SSUH2: variants seen among roughly 807,000 people sequenced by gnomAD.
The protein encoded by SSUH2 is ssu-2 homolog, also known as protein SSUH2 homolog.
A neutral mutation model predicts 55.3 loss-of-function variants in SSUH2; 47 were observed. The ratio of observed to expected loss-of-function variants is 0.85; its 90% confidence interval spans 0.67 to 1.08. The LOEUF is 1.08. SSUH2 is among the 50% of genes least tolerant of loss of function. The pLI, the probability that SSUH2 is intolerant of heterozygous loss-of-function variation, is 0.00. For synonymous variants in SSUH2, 212 were observed against 191.5 expected (o/e 1.11, Z -0.89); for missense variants, 535 against 490.7 (o/e 1.09, Z -0.85).
intron 1 of SSUH2, among the ~76,000 whole-genome samples, chr3:8,680,502 G>T (rs1261247988): frequency 6.6e-6 from 1 of 151,986 alleles, no homozygotes; most frequent in Non-Finnish European, 1.5e-5. Context: ...TGAATATTAA[G>T]AACAGTATCA....
chr3:8,634,253 C>T, intron 3 of SSUH2: 1 of 668,724 alleles, frequency 1.5e-6, no homozygotes, highest in Non-Finnish European at 2.3e-6. Context: ...CAGGCACTGG[C>T]CCAGGGCTGA....
At chr3:8,623,185 G>C (rs1243487511) in intron 11 of SSUH2, among the ~76,000 whole-genome samples, 2 of 152,242 alleles carry the variant, frequency 1.3e-5, no homozygotes, top group African/African-American at 4.8e-5. Context: ...TCAGGGGCAA[G>C]ACACTGGGCT....
At position 8,678,745 on chromosome 3, in the gene SSUH2, G is replaced by A. The variant is rs1219935704; in HGVS notation, c.-901+960C>T. Among the ~76,000 whole-genome samples the A allele has an allele frequency of 4.7e-5, 4 of 85,332 alleles. 2 individuals are homozygous for A. The highest frequency in any genetic ancestry group is 1.6e-4 in the African/African-American group (4 of 25,016). 56.0% of individuals were successfully genotyped at this position (85,332 alleles called of 152,430 possible). A position where few individuals can be genotyped will look rare whatever the true frequency, so the allele number is the denominator to read the frequency against. On this transcript the variant is annotated intron_variant, in intron 2 of 18. Transcript: ENST00000317371. ...AACGTGGGGGGGGGAGGCACCACAC[G>A]CGAGGCGGGGAAAGAGAGCCAGCCC... is the stretch of plus-strand genomic sequence containing the variant.
intron 4 of SSUH2, among the ~76,000 whole-genome samples, chr3:8,633,085 A>T (rs984715289): frequency 1.3e-5 from 2 of 150,688 alleles, no homozygotes; most frequent in Non-Finnish European, 3.0e-5. Context: ...GCGTGTGTGT[A>T]GCATGCGTTC....
intron 7 of SSUH2, 157 bp downstream of exon 7, chr3:8,629,507 A>T: frequency 4.7e-6 from 3 of 633,698 alleles, no homozygotes; most frequent in Admixed American, 2.8e-5. Flanking sequence ...TTTTCATTTT[A>T]TAGACGGGAA....
At position 8,625,620 on chromosome 3, in the gene SSUH2, A is replaced by C. The variant is rs1335583836; in HGVS notation, c.795T>G (p.Ser265=). The C allele has an allele frequency of 5.6e-6, 9 of 1,613,822 alleles. No individual in the cohort carries two copies. The highest frequency in any genetic ancestry group is 7.6e-6 in the Non-Finnish European group (9 of 1,179,836). ...MWKNSLFEFV[S]EHRLNCPREL... ...CCCTGGGGCAGTTGAGCCGGTGCTCAGACACAAACTCAAACAAGCTGTTCT... is the reference window on the plus strand; with the variant it reads ...CCCTGGGGCAGTTGAGCCGGTGCTCCGACACAAACTCAAACAAGCTGTTCT... Residue 265 remains serine, a synonymous_variant, in exon 10 of 12, where the codon TCT becomes TCG. Transcript: ENST00000544814.
chr3:8,635,227 A>G, intron 3 of SSUH2, 73 bp downstream of exon 3: 1 of 1,312,648 alleles, frequency 7.6e-7, no homozygotes, highest in Non-Finnish European at 1.0e-6. Context: ...ATGCACTGCC[A>G]GGGCTGAGAT....
At position 8,677,713 on chromosome 3, in the gene SSUH2, G is replaced by C. The variant is rs958506008; in HGVS notation, c.-900-360C>G. ...TCTAAAGGATTGCCCCCCTGTTTTA[G>C]GGCCTTGGCAGCAACTGCCCTGCTA... On this transcript the variant is annotated intron_variant, in intron 2 of 18. Coordinates refer to the SSUH2 transcript ENST00000317371. Among the ~76,000 whole-genome samples the C allele has an allele frequency of 7.3e-5, 11 of 150,848 alleles. 1 individual carries two copies. The highest frequency in any genetic ancestry group is 2.7e-4 in the African/African-American group (11 of 41,088).
chr3:8,680,280 A>T (rs1420315382), intron 1 of SSUH2, among the ~76,000 whole-genome samples: 2 of 151,926 alleles, frequency 1.3e-5, no homozygotes, highest in African/African-American at 4.8e-5. Context: ...CTGAACATAA[A>T]GGCCCCCCAT....
At chr3:8,655,771 C>A (rs1440585330) in intron 7 of SSUH2, among the ~76,000 whole-genome samples, 1 of 152,232 alleles carries the variant, frequency 6.6e-6, no homozygotes, top group Non-Finnish European at 1.5e-5. Flanking sequence ...ACTGATAACA[C>A]AGCCCCTCGC....
intron 1 of SSUH2, among the ~76,000 whole-genome samples, chr3:8,638,387 C>A (rs528281090): frequency 1.9e-4 from 29 of 152,152 alleles, no homozygotes; most frequent in Non-Finnish European, 3.4e-4. Flanking sequence ...TTCCTCCTGG[C>A]AGAAAACCTA....
chr3:8,658,357 G>A (rs1026266096), intron 7 of SSUH2, among the ~76,000 whole-genome samples: 1 of 152,188 alleles, frequency 6.6e-6, no homozygotes, highest in African/African-American at 2.4e-5. Context: ...TCTGGCTAGA[G>A]GAGAAAGAGG....
intron 3 of SSUH2, chr3:8,672,069 C>T (rs1463832896): frequency 6.6e-6 from 1 of 152,096 alleles, no homozygotes; most frequent in Non-Finnish European, 1.5e-5. Flanking sequence ...GGGAGTGTTT[C>T]CACCCCCAGC....
At chr3:8,663,914 G>C (rs1703735197) in intron 5 of SSUH2, 1 of 440,492 alleles carries the variant, frequency 2.3e-6, no homozygotes, top group Admixed American at 2.5e-5. Context: ...ACTGCTTTCT[G>C]AGTAAGATAA....
chr3:8,628,098 A>G (rs1467288156), intron 7 of SSUH2, among the ~76,000 whole-genome samples: 1 of 152,148 alleles, frequency 6.6e-6, no homozygotes, highest in Non-Finnish European at 1.5e-5. Flanking sequence ...GGCGCTGGTC[A>G]GGGGCCTGGC....
chr3:8,670,591 TACGACTAATATGAC>T (rs1443184624), intron 5 of SSUH2, among the ~76,000 whole-genome samples: 1 of 152,078 alleles, frequency 6.6e-6, no homozygotes, highest in Non-Finnish European at 1.5e-5. Flanking sequence ...CCTTGGATAT[TACGACTAATATGAC>T]AGGGAGTACA....
upstream of SSUH2, among the ~76,000 whole-genome samples, chr3:8,646,708 C>T (rs1159478614): frequency 1.3e-5 from 2 of 152,248 alleles, no homozygotes; most frequent in African/African-American, 4.8e-5. Flanking sequence ...TACCCATCAA[C>T]ACCTAACATC....
intron 1 of SSUH2, among the ~76,000 whole-genome samples, chr3:8,636,168 CT>C (rs1699891075): frequency 6.6e-6 from 1 of 152,318 alleles, no homozygotes; most frequent in Admixed American, 6.5e-5. Flanking sequence ...TTCTTTGATG[CT>C]TTCCTTTCAT....
At chr3:8,678,503 C>T (rs1378433395) in intron 2 of SSUH2, among the ~76,000 whole-genome samples, 10 of 139,092 alleles carry the variant, frequency 7.2e-5, no homozygotes, top group Non-Finnish European at 1.6e-4. Context: ...GTGAGGCACC[C>T]CCCGCGAGGC....
Sources: gnomAD v4.1 joint callset for allele counts (sites outside exome capture counted in the v4.1 genomes callset) on GRCh38, gnomAD v4.1.1 for gene constraint, MANE v1.5 for transcripts, NCBI Gene and HGNC (gene_info 2026-07-23, HGNC 2026-07-21) for gene names.